The following PARD6G variants were observed in gnomAD, a reference collection of about 807,000 sequenced individuals.
PARD6G encodes the protein par-6 family cell polarity regulator gamma.
PARD6G carries 7 observed loss-of-function variants against 10.7 expected under a neutral mutation model. The observed-to-expected ratio is 0.66, with a 90% CI of 0.37 to 1.23. The LOEUF (loss-of-function observed/expected upper bound fraction) is 1.23. Among genes scored for constraint, PARD6G ranks in the 50% most tolerant of loss-of-function variants. PARD6G has a pLI of 0.02. For missense variants in PARD6G, 548 were observed against 571.8 expected (o/e 0.96, Z 0.42); for synonymous variants, 287 against 269.4 (o/e 1.07, Z -0.64).
rs1219734254 is a variant in PARD6G, at chr18:80,246,447, G to A, written c.72+830C>T. On this transcript the variant is annotated intron_variant, in intron 1 of 2. Coordinates refer to ENST00000353265, the MANE Select transcript of PARD6G (RefSeq NM_032510.4). The surrounding 1 kb of genome is among the most constrained non-coding windows in gnomAD (Gnocchi z 6.7). ...CGACCCGCAAGTTCGGGCACGCTCC[G>A]CCCGGGCGCAGGCAGCGGGAGGGGC... 6.6e-6 allele frequency among the ~76,000 whole-genome samples: 1 copy of A among 152,136 alleles called. No individual in the cohort carries two copies. Among genetic ancestry groups the A allele is most frequent in the East Asian group, 1.9e-4 (1 of 5,166 alleles).
At chr18:80,164,789 G>C (rs1425371611) in intron 2 of PARD6G, among the ~76,000 whole-genome samples, 2 of 152,186 alleles carry the variant, frequency 1.3e-5, no homozygotes, top group South Asian at 2.1e-4. Context: ...GCCCACCTGA[G>C]CCTCAAACCA....
chr18:80,237,087 T>C (rs1599878043), intron 1 of PARD6G, among the ~76,000 whole-genome samples: 1 of 152,188 alleles, frequency 6.6e-6, no homozygotes, highest in East Asian at 1.9e-4. Context: ...TCAAGCTACC[T>C]GACTTCAAAC....
intron 2 of PARD6G, among the ~76,000 whole-genome samples, chr18:80,174,062 G>C (rs1368864076): frequency 1.3e-5 from 2 of 152,142 alleles, no homozygotes; most frequent in Admixed American, 1.3e-4. Context: ...GCCCAGTGTT[G>C]ACATCTATAA....
At chr18:80,227,898 A>C in intron 1 of PARD6G, among the ~76,000 whole-genome samples, 1 of 151,972 alleles carries the variant, frequency 6.6e-6, no homozygotes, top group South Asian at 2.1e-4. Flanking sequence ...GAACCACCAG[A>C]CCACCAGGGC....
At chr18:80,209,798 T>A (rs571218018) in intron 1 of PARD6G, among the ~76,000 whole-genome samples, 1 of 152,164 alleles carries the variant, frequency 6.6e-6, no homozygotes. Flanking sequence ...GATGACAGAG[T>A]AAGACCCTGT....
chr18:80,245,760 G>A lies in PARD6G; in HGVS notation c.72+1517C>T, dbSNP rs1212966935. On this transcript the variant is annotated intron_variant, in intron 1 of 2. Transcript: ENST00000353265. ...TGAGCTAAAGAAACCTCCCGCCCAT[G>A]CTTGTGGGCTCTTCCCCTCACCTAA... Among the ~76,000 whole-genome samples, 6 of 152,152 alleles carry A rather than the reference G, an allele frequency of 3.9e-5. No individual in the cohort carries two copies. In the East Asian group the frequency reaches 1.2e-3, roughly 29 times the overall value.
intron 1 of PARD6G, among the ~76,000 whole-genome samples, chr18:80,206,011 C>T (rs904024909): frequency 1.3e-5 from 2 of 152,252 alleles, no homozygotes; most frequent in Non-Finnish European, 2.9e-5. Flanking sequence ...CCTGAAACAG[C>T]ATAGGCTAAA....
At chr18:80,209,844 T>G (rs1967089215) in intron 1 of PARD6G, among the ~76,000 whole-genome samples, 1 of 152,188 alleles carries the variant, frequency 6.6e-6, no homozygotes, top group Non-Finnish European at 1.5e-5. Flanking sequence ...AGCTTCTAAA[T>G]GCAAATCATT....
intron 1 of PARD6G, among the ~76,000 whole-genome samples, chr18:80,230,693 A>G (rs920628127): frequency 6.6e-6 from 1 of 152,188 alleles, no homozygotes; most frequent in Non-Finnish European, 1.5e-5. Flanking sequence ...GTTCTGGACC[A>G]ATGCACCCAG....
chr18:80,194,487 A>G (rs929873572), intron 2 of PARD6G, among the ~76,000 whole-genome samples: 2 of 152,166 alleles, frequency 1.3e-5, no homozygotes, highest in African/African-American at 4.8e-5. Context: ...ATAATTTTAG[A>G]AATCCTTGGT....
intron 1 of PARD6G, among the ~76,000 whole-genome samples, chr18:80,213,696 C>T (rs1013774475): frequency 1.6e-4 from 25 of 152,238 alleles, no homozygotes; most frequent in Middle Eastern, 3.4e-3. Flanking sequence ...CAGTGGCTCA[C>T]GCCTGTAATC....
Position 80,228,668 on chromosome 18 carries a change from A to AT in PARD6G, c.72+18608dup, listed in dbSNP as rs1403400116. 7.2e-6 allele frequency among the ~76,000 whole-genome samples: 1 copy of AT among 138,308 alleles called. No homozygotes were observed. Among genetic ancestry groups the AT allele is most frequent in the Non-Finnish European group, 1.5e-5 (1 of 64,540 alleles). The allele number at this position is 138,308 out of a possible 152,430, so 90.7% of individuals were successfully genotyped here. On this transcript the variant is annotated intron_variant, in intron 1 of 2. Coordinates refer to ENST00000353265, the MANE Select transcript of PARD6G (RefSeq NM_032510.4). The surrounding 1 kb of genome is among the most constrained non-coding windows in gnomAD (Gnocchi z 4.6). ...CTAAGGCCCCGCCCACTGAGGCCCC[A>AT]TCCCCTGCCCACAGACTGCGCCTCC...
At chr18:80,174,166 C>T (rs1385247295) in intron 2 of PARD6G, among the ~76,000 whole-genome samples, 1 of 152,216 alleles carries the variant, frequency 6.6e-6, no homozygotes, top group African/African-American at 2.4e-5. Flanking sequence ...AAGTTCACAG[C>T]CAAGCCTGTT....
At position 80,229,073 on chromosome 18, in the gene PARD6G, G is replaced by A. The variant is rs565388557; in HGVS notation, c.72+18204C>T. The stretch of plus-strand genomic sequence containing the variant: ...CCTGCCTCAGCCTCCCGAGTAGCTG[G>A]GACTACAGGTGCATGCCACCACACC... On this transcript the variant is annotated intron_variant, in intron 1 of 2. Transcript: ENST00000353265. 2.0e-5 allele frequency among the ~76,000 whole-genome samples: 3 copies of A among 152,178 alleles called. No homozygotes were observed. In the East Asian group the frequency reaches 5.8e-4, roughly 29 times the overall value.
chr18:80,190,230 C>T (rs1966885260), intron 2 of PARD6G, among the ~76,000 whole-genome samples: 1 of 151,234 alleles, frequency 6.6e-6, no homozygotes, highest in Non-Finnish European at 1.5e-5. Context: ...ACGACCCAAG[C>T]CACCTTCTGG....
chr18:80,242,656 C>A (rs1967503485), intron 1 of PARD6G, among the ~76,000 whole-genome samples: 2 of 152,220 alleles, frequency 1.3e-5, no homozygotes, highest in Non-Finnish European at 2.9e-5. Context: ...ACCCTCAGCA[C>A]CATCTGCACT....
In PARD6G at chr18:80,192,431, ACGGGGGAGAGCAGG is replaced by A. The variant is rs879626165; in HGVS notation, c.295+10265_295+10278del. On this transcript the variant is annotated intron_variant, in intron 2 of 2. Transcript: ENST00000353265. The surrounding 1 kb of genome is among the most constrained non-coding windows in gnomAD (Gnocchi z 4.9). ...CCACTGCCCAGTGGGAGCCCAGGGG[ACGGGGGAGAGCAGG>A]TGCCACGGCGGGAGCCCAGGGGACG... 1.6e-4 allele frequency among the ~76,000 whole-genome samples: 24 copies of A among 149,868 alleles called. No homozygotes were observed. The highest frequency in any genetic ancestry group is 3.3e-4 in the Admixed American group (5 of 15,076).
intron 2 of PARD6G, among the ~76,000 whole-genome samples, chr18:80,198,430 C>T (rs1037836084): frequency 1.3e-5 from 2 of 152,126 alleles, no homozygotes; most frequent in African/African-American, 2.4e-5. Context: ...CAATATGTAC[C>T]GTTGTTTTTA....
chr18:80,162,503 G>A (rs906586878), intron 2 of PARD6G: 3 of 169,210 alleles, frequency 1.8e-5, no homozygotes. Context: ...CTATGGTTGT[G>A]CTTGTTTTAT....
Sources: gnomAD v4.1 joint callset for allele counts (sites outside exome capture counted in the v4.1 genomes callset) on GRCh38, gnomAD v4.1.1 for gene constraint, Gnocchi (gnomAD v3.1) non-coding constraint, MANE v1.5 for transcripts, NCBI Gene and HGNC (gene_info 2026-07-23, HGNC 2026-07-21) for gene names.